Variants in RBFOX2 observed in about 807,000 individuals in gnomAD.
RBFOX2 encodes the protein RNA binding fox-1 homolog 2.
Under a neutral mutation model 49.1 loss-of-function variants are expected in RBFOX2, and 10 were observed. The ratio of observed to expected loss-of-function variants is 0.20; its 90% CI spans 0.13 to 0.35. The LOEUF (loss-of-function observed/expected upper bound fraction) is 0.35, where lower values mean the gene tolerates loss of function less well. Among genes scored for constraint, RBFOX2 ranks in the 10% least tolerant of loss-of-function variants. RBFOX2 has a pLI of 1.00. For missense variants in RBFOX2, 323 were observed against 486.9 expected, an observed-to-expected ratio of 0.66 and a Z score of 3.17; for synonymous variants, 183 against 187.4, an observed-to-expected ratio of 0.98 and a Z score of 0.19.
At chr22:35,840,675 GA>G (rs1228756758), upstream of RBFOX2, 188 of 988,266 alleles carry the variant, frequency 1.9e-4, no homozygotes, top group Admixed American at 2.6e-4. Context: ...AGGAGGTAGG[GA>G]GGGGCAAGCG....
intron 2 of RBFOX2, 48 bp downstream of exon 3, chr22:35,809,732 A>C: frequency 6.4e-7 from 1 of 1,571,568 alleles, no homozygotes; most frequent in Non-Finnish European, 8.7e-7. Context: ...GACAATTTCT[A>C]TATGATTGCC....
intron 1 of RBFOX2, among the ~76,000 whole-genome samples, chr22:35,932,498 A>G (rs1362502586): frequency 6.6e-6 from 1 of 152,252 alleles, no homozygotes; most frequent in African/African-American, 2.4e-5. Context: ...TGTTTCTGCT[A>G]ATCAATGGGA....
At chr22:35,952,317 A>G (rs561772846) in intron 1 of RBFOX2, among the ~76,000 whole-genome samples, 4 of 152,334 alleles carry the variant, frequency 2.6e-5, no homozygotes, top group South Asian at 2.1e-4. Context: ...AAGCATAGCT[A>G]TAAGTATGAC....
At chr22:35,755,238 T>C (rs1402564269) in intron 9 of RBFOX2, among the ~76,000 whole-genome samples, 1 of 152,224 alleles carries the variant, frequency 6.6e-6, no homozygotes, top group Non-Finnish European at 1.5e-5. Flanking sequence ...TAAATCAAGC[T>C]TGCATTCAGA....
At chr22:35,740,687 G>A (rs1304234751) in exon 12 of RBFOX2, 1 of 152,500 alleles carries the variant, frequency 6.6e-6, no homozygotes, top group Non-Finnish European at 1.5e-5. Context: ...ACATCTAAGT[G>A]CTTTCCAGTC....
At chr22:35,747,205 T>C (rs1933062740) in intron 9 of RBFOX2, 2 of 152,250 alleles carry the variant, frequency 1.3e-5, no homozygotes, top group Admixed American at 1.3e-4. Context: ...ACCAATGTCC[T>C]ACAAAGCCAA....
At chr22:35,925,223 A>T (rs1436334538) in intron 1 of RBFOX2, among the ~76,000 whole-genome samples, 1 of 151,460 alleles carries the variant, frequency 6.6e-6, no homozygotes, top group African/African-American at 2.4e-5. Flanking sequence ...AAAAAATTTA[A>T]AAAAAAAGTA....
At position 35,882,225 on chromosome 22, in the gene RBFOX2, G is replaced by T. The variant is rs567474043; in HGVS notation, c.-34+56622C>A. ...ATCAGGAAAGTATGATGTCCTGCAA[G>T]TCAAGTATCCAAGAAAGTGAATTAG... On this transcript the variant is annotated intron_variant, in intron 1 of 13. Coordinates refer to the RBFOX2 transcript ENST00000359369. Among the ~76,000 whole-genome samples the T allele has an allele frequency of 2.4e-4, 36 of 152,230 alleles. 1 individual carries two copies. In the South Asian group the frequency reaches 7.5e-3, roughly 32 times the overall value.
chr22:35,937,468 C>A (rs1206946593), intron 1 of RBFOX2, among the ~76,000 whole-genome samples: 1 of 152,328 alleles, frequency 6.6e-6, no homozygotes, highest in East Asian at 1.9e-4. Flanking sequence ...ACTCTGATAT[C>A]AACTCAGCAC....
intron 1 of RBFOX2, among the ~76,000 whole-genome samples, chr22:35,866,717 C>T (rs1041517290): frequency 4.6e-5 from 7 of 152,110 alleles, no homozygotes; most frequent in African/African-American, 1.7e-4. Context: ...CAAAAAAAAG[C>T]CCCCAGTGAA....
chr22:35,851,822 C>G (rs1443308552), intron 1 of RBFOX2, among the ~76,000 whole-genome samples: 1 of 150,154 alleles, frequency 6.7e-6, no homozygotes, highest in Non-Finnish European at 1.5e-5. Flanking sequence ...CAGAGCAAAA[C>G]TCCATCTCAA....
chr22:35,961,828 T>G (rs2056237761), upstream of RBFOX2: 1 of 653,742 alleles, frequency 1.5e-6, no homozygotes, highest in Non-Finnish European at 1.9e-6. Flanking sequence ...GTCCTATGAC[T>G]AAGAAAACAC....
intron 1 of RBFOX2, among the ~76,000 whole-genome samples, chr22:35,899,720 C>G (rs1267172912): frequency 6.6e-6 from 1 of 152,112 alleles, no homozygotes; most frequent in East Asian, 1.9e-4. Flanking sequence ...AAACTCCACA[C>G]TATAAAGAGA....
At chr22:35,825,484 T>TATA (rs1237088307) in intron 1 of RBFOX2, among the ~76,000 whole-genome samples, 1 of 151,714 alleles carries the variant, frequency 6.6e-6, no homozygotes, top group Non-Finnish European at 1.5e-5. Context: ...ATATTATACT[T>TATA]AATGTAATAC....
chr22:35,798,129 C>T (rs751437588), intron 2 of RBFOX2, among the ~76,000 whole-genome samples: 4 of 152,206 alleles, frequency 2.6e-5, no homozygotes, highest in African/African-American at 9.6e-5. Flanking sequence ...GCATGCACCA[C>T]CACGCCTGGC....
At chr22:35,959,255 T>C (rs1225695606) in intron 1 of RBFOX2, among the ~76,000 whole-genome samples, 1 of 152,160 alleles carries the variant, frequency 6.6e-6, no homozygotes, top group African/African-American at 2.4e-5. Flanking sequence ...CTCAGAGAGA[T>C]TAAGTGACTG....
At chr22:35,777,751 A>G (rs1399724766) in intron 4 of RBFOX2, 1 of 393,108 alleles carries the variant, frequency 2.5e-6, no homozygotes, top group Non-Finnish European at 4.5e-6. Context: ...CTCATAAAGC[A>G]CTGTCATCTC....
intron 2 of RBFOX2, among the ~76,000 whole-genome samples, chr22:35,783,977 C>T (rs1371247956): frequency 6.6e-6 from 1 of 152,186 alleles, no homozygotes; most frequent in Non-Finnish European, 1.5e-5. Flanking sequence ...ATGCATGGTC[C>T]TCTGCTGGAC....
At chr22:35,746,241 G>C (rs916060800) in intron 10 of RBFOX2, among the ~76,000 whole-genome samples, 7 of 152,242 alleles carry the variant, frequency 4.6e-5, no homozygotes, top group African/African-American at 1.7e-4. Flanking sequence ...AGGGACTGGA[G>C]TCAAAGTCAA....
Sources: gnomAD v4.1 joint callset for allele counts (sites outside exome capture counted in the v4.1 genomes callset) on GRCh38, gnomAD v4.1.1 for gene constraint, MANE v1.5 for transcripts, NCBI Gene and HGNC (gene_info 2026-07-23, HGNC 2026-07-21) for gene names.